Variants in ADCY8 observed in about 807,000 individuals in gnomAD.
ADCY8 encodes adenylate cyclase type 8.
A neutral mutation model predicts 119.7 loss-of-function variants in ADCY8; 51 were observed. That is an observed-to-expected ratio of 0.43 (90% CI 0.34 to 0.54). The LOEUF (loss-of-function observed/expected upper bound fraction) is 0.54. Ranked by LOEUF, ADCY8 falls within the 20% of genes least tolerant of loss-of-function variation. The pLI is 0.03. For missense variants in ADCY8, 1,383 were observed against 1,598.8 expected (o/e 0.87, Z 2.30); for synonymous variants, 665 against 651.0 (o/e 1.02, Z -0.33).
chr8:131,033,168 T>TCTC (rs1158948898), intron 1 of ADCY8, among the ~76,000 whole-genome samples: 7 of 152,136 alleles, frequency 4.6e-5, no homozygotes, highest in African/African-American at 1.7e-4. Context: ...GTTGCAAGTG[T>TCTC]CTCCTATGTT....
At chr8:130,852,184 T>G (rs1460028291) in intron 9 of ADCY8, among the ~76,000 whole-genome samples, 2 of 152,188 alleles carry the variant, frequency 1.3e-5, no homozygotes, top group African/African-American at 2.4e-5. Flanking sequence ...GTCAATTTCC[T>G]CTGCATGATG....
At chr8:130,956,755 C>G (rs1200381192) in intron 2 of ADCY8, among the ~76,000 whole-genome samples, 2 of 152,168 alleles carry the variant, frequency 1.3e-5, no homozygotes, top group African/African-American at 4.8e-5. Flanking sequence ...TTACTGTTCT[C>G]ATGGTAGTGA....
At chr8:131,031,354 G>A (rs1823991370) in intron 1 of ADCY8, among the ~76,000 whole-genome samples, 1 of 152,168 alleles carries the variant, frequency 6.6e-6, no homozygotes, top group South Asian at 2.1e-4. Flanking sequence ...CATTCCACAG[G>A]AGACACACAG....
intron 7 of ADCY8, among the ~76,000 whole-genome samples, chr8:130,899,688 A>G (rs1237943799): frequency 6.6e-6 from 1 of 152,170 alleles, no homozygotes; most frequent in Non-Finnish European, 1.5e-5. Flanking sequence ...CTCAGTATGT[A>G]GTACACTTGA....
At position 130,925,147 on chromosome 8, in the gene ADCY8, A is replaced by G. The variant is rs143681655; in HGVS notation, c.1481+11926T>C. On this transcript the variant is annotated intron_variant, in intron 5 of 17. Coordinates refer to ENST00000286355, the MANE Select transcript of ADCY8 (RefSeq NM_001115.3). ...TTGAATCCGGGAGGTGGGGGTTGCA[A>G]TGAGCCAAGATCGCGCCACTGCACT... Among the ~76,000 whole-genome samples, 569 of 152,138 alleles carry G rather than the reference A, an allele frequency of 3.7e-3. 5 individuals are homozygous for G. The highest frequency in any genetic ancestry group is 0.012 in the African/African-American group (514 of 41,516).
chr8:130,932,500 T>A (rs1820661080), intron 5 of ADCY8, among the ~76,000 whole-genome samples: 1 of 152,232 alleles, frequency 6.6e-6, no homozygotes, highest in East Asian at 1.9e-4. Flanking sequence ...TTTCCCCAAA[T>A]GGATGGTATA....
intron 17 of ADCY8, among the ~76,000 whole-genome samples, chr8:130,782,303 A>T (rs1815107549): frequency 6.6e-6 from 1 of 152,216 alleles, no homozygotes; most frequent in Non-Finnish European, 1.5e-5. Context: ...GAACTTTGAC[A>T]GCCAATATCC....
At chr8:130,970,523 A>G (rs933199252) in intron 2 of ADCY8, among the ~76,000 whole-genome samples, 1 of 152,220 alleles carries the variant, frequency 6.6e-6, no homozygotes, top group African/African-American at 2.4e-5. Context: ...TTCATTACAT[A>G]TTACAATGTA....
intron 15 of ADCY8, among the ~76,000 whole-genome samples, chr8:130,790,076 CT>C (rs1292979147): frequency 6.6e-6 from 1 of 152,124 alleles, no homozygotes; most frequent in African/African-American, 2.4e-5. Context: ...AAGTCTTTGC[CT>C]TTGATGGGCT....
intron 11 of ADCY8, among the ~76,000 whole-genome samples, chr8:130,837,432 A>C (rs16904371): frequency 0.23 from 34,345 of 152,128 alleles, 3,952 homozygotes; most frequent in Admixed American, 0.26. Flanking sequence ...CTCTAAGAAG[A>C]CTTCCTCAAT....
At chr8:130,945,611 C>T (rs372930491) in intron 3 of ADCY8, among the ~76,000 whole-genome samples, 11 of 152,294 alleles carry the variant, frequency 7.2e-5, no homozygotes, top group South Asian at 4.1e-4. Flanking sequence ...GTTCCTTAAA[C>T]GTGTTAGCTT....
At chr8:130,816,367 A>G (rs1176050061) in intron 13 of ADCY8, among the ~76,000 whole-genome samples, 1 of 151,966 alleles carries the variant, frequency 6.6e-6, no homozygotes, top group Non-Finnish European at 1.5e-5. Context: ...TATCTAAGAA[A>G]GATCGATCTC....
chr8:130,809,143 G>A (rs1816080981), intron 14 of ADCY8, among the ~76,000 whole-genome samples: 2 of 152,152 alleles, frequency 1.3e-5, no homozygotes, highest in Non-Finnish European at 2.9e-5. Context: ...CACCGCCTGT[G>A]TTTGGATGGT....
At chr8:130,846,282 T>C (rs777619761) in intron 11 of ADCY8, among the ~76,000 whole-genome samples, 18 of 152,098 alleles carry the variant, frequency 1.2e-4, no homozygotes, top group Admixed American at 2.6e-4. Flanking sequence ...TCTACCCTAA[T>C]ATGTAAAGTT....
intron 2 of ADCY8, among the ~76,000 whole-genome samples, chr8:130,983,784 G>T (rs1027284818): frequency 1.3e-5 from 2 of 152,226 alleles, no homozygotes; most frequent in Non-Finnish European, 2.9e-5. Flanking sequence ...GTTTTGAGAT[G>T]TGAGTTAGTC....
chr8:130,842,705 A>G (rs1817182524), intron 11 of ADCY8, among the ~76,000 whole-genome samples: 1 of 151,868 alleles, frequency 6.6e-6, no homozygotes, highest in Non-Finnish European at 1.5e-5. Flanking sequence ...TCTACTGAAA[A>G]TAATAATAAT....
chr8:130,902,278 G>GTCA (rs1477538275), intron 7 of ADCY8, among the ~76,000 whole-genome samples: 1 of 152,166 alleles, frequency 6.6e-6, no homozygotes, highest in African/African-American at 2.4e-5. Flanking sequence ...AGAGGGCACT[G>GTCA]TCAGCTGGTC....
rs1476801737 is a variant in ADCY8, at chr8:131,039,647, C to A, written c.687G>T (p.Leu229=). 2 of 1,614,140 alleles carry A rather than the reference C, an allele frequency of 1.2e-6. No homozygotes were observed. Among genetic ancestry groups the A allele is most frequent in the East Asian group, 4.5e-5 (2 of 44,860 alleles). ...AGGTGGTGTCCTTCCTGACCACCAC[C>A]AGGGCGCAGATCACTACCTCAATGC... The part of the protein sequence containing the change: ...FTGIEVVICA[L]VVVRKDTTSH... Residue 229 remains leucine (L), a synonymous_variant, in exon 1 of 18, where the codon CTG becomes CTT. Transcript: ENST00000286355.
intron 9 of ADCY8, among the ~76,000 whole-genome samples, chr8:130,857,301 CCTCT>C (rs1817774645): frequency 6.7e-6 from 1 of 149,934 alleles, no homozygotes; most frequent in Admixed American, 6.7e-5. Context: ...CAATGATAAT[CCTCT>C]CTGTCAACCC....
Sources: gnomAD v4.1 joint callset for allele counts (sites outside exome capture counted in the v4.1 genomes callset) on GRCh38, gnomAD v4.1.1 for gene constraint, MANE v1.5 for transcripts, NCBI Gene and HGNC (gene_info 2026-07-23, HGNC 2026-07-21) for gene names.